Variants in ANGEL1 observed in about 807,000 individuals in gnomAD.
ANGEL1 encodes the protein angel homolog 1, also known as RNA 2',3'-cyclic phosphatase ANGEL1.
In ANGEL1, 62 loss-of-function variants were observed where a neutral mutation model predicts 76.4. The observed-to-expected ratio is 0.81, with a 90% CI of 0.66 to 1.00. The LOEUF (loss-of-function observed/expected upper bound fraction) is 1.00, where lower values mean the gene tolerates loss of function less well. ANGEL1 is among the 50% of genes least tolerant of loss of function. The pLI is 0.00. For synonymous variants in ANGEL1, 340 were observed against 331.7 expected, an observed-to-expected ratio of 1.03 and a Z score of -0.27; for missense variants, 737 against 836.7, an observed-to-expected ratio of 0.88 and a Z score of 1.47.
intron 7 of ANGEL1, among the ~76,000 whole-genome samples, chr14:76,800,999 C>T (rs1394880691): frequency 1.3e-5 from 2 of 151,934 alleles, no homozygotes; most frequent in Non-Finnish European, 2.9e-5. Flanking sequence ...CTGAGGTCAA[C>T]CTCATCACCG....
chr14:76,811,760 G>A (rs536280352), intron 1 of ANGEL1, among the ~76,000 whole-genome samples: 1 of 152,198 alleles, frequency 6.6e-6, no homozygotes, highest in East Asian at 1.9e-4. Context: ...ACCAAGCAAT[G>A]TGTTAACACC....
In ANGEL1 at chr14:76,797,679, G is replaced by A. The variant is rs184924931; in HGVS notation, c.1618+5692C>T. Among the ~76,000 whole-genome samples, 705 of 152,348 alleles carry A rather than the reference G, an allele frequency of 4.6e-3. 2 individuals are homozygous for A. The highest frequency in any genetic ancestry group is 0.016 in the African/African-American group (671 of 41,570). On this transcript the variant is annotated intron_variant, in intron 7 of 9. Coordinates refer to ENST00000251089, the MANE Select transcript of ANGEL1 (RefSeq NM_015305.4). The stretch of plus-strand genomic sequence containing the variant: ...AAAGAGAACTGACCAGATAGCCTTA[G>A]CCTTTGCTGTGTGACTGTGTGACCT...
intron 5 of ANGEL1, among the ~76,000 whole-genome samples, chr14:76,805,848 G>A (rs1051750617): frequency 2.0e-5 from 3 of 152,178 alleles, no homozygotes; most frequent in Non-Finnish European, 4.4e-5. Context: ...ATAACCTAGG[G>A]CAAATTACTT....
intron 9 of ANGEL1, among the ~76,000 whole-genome samples, chr14:76,790,047 T>C (rs1365527856): frequency 6.6e-6 from 1 of 152,088 alleles, no homozygotes; most frequent in Non-Finnish European, 1.5e-5. Context: ...GTATTTTTAG[T>C]AGAGACGGGG....
At chr14:76,803,520 A>G in intron 6 of ANGEL1, 39 bp from the exon 7 acceptor site, 1 of 1,596,484 alleles carries the variant, frequency 6.3e-7, no homozygotes, top group Non-Finnish European at 8.6e-7. Context: ...AAGAAAGACG[A>G]TGAAGCCACA....
chr14:76,795,205 G>C (rs1432702169), intron 7 of ANGEL1, among the ~76,000 whole-genome samples: 3 of 152,096 alleles, frequency 2.0e-5, no homozygotes, highest in Admixed American at 6.5e-5. Flanking sequence ...ATCAAGAATA[G>C]ATGTTGAATG....
intron 2 of ANGEL1, among the ~76,000 whole-genome samples, chr14:76,808,472 T>G (rs990933288): frequency 6.8e-6 from 1 of 147,984 alleles, no homozygotes; most frequent in African/African-American, 2.4e-5. Context: ...TGAGTGTGCT[T>G]AACAGTCACC....
chr14:76,807,421 G>A lies in ANGEL1; in HGVS notation c.946+12C>T, dbSNP rs770746957. The A allele has an allele frequency of 6.2e-7, 1 of 1,608,780 alleles. No homozygotes were observed. Among genetic ancestry groups the A allele is most frequent in the South Asian group, 1.1e-5 (1 of 89,990 alleles). ...AAGAAAAGCTGGCAAGCATCCCAGGGAGCTGCATTACCCATCATTCGCAGA... is the reference window on the plus strand; with the variant it reads ...AAGAAAAGCTGGCAAGCATCCCAGGAAGCTGCATTACCCATCATTCGCAGA... On this transcript the variant is annotated intron_variant, in intron 4 of 9. Transcript: ENST00000251089.
chr14:76,789,860 AATTTTT>A (rs1282567964), intron 9 of ANGEL1, among the ~76,000 whole-genome samples: 3 of 49,086 alleles, frequency 6.1e-5, no homozygotes. Context: ...ATGCCTGGCT[AATTTTT>A]TTTTTTTTTT....
chr14:76,797,189 T>C (rs1894605137), intron 7 of ANGEL1, among the ~76,000 whole-genome samples: 1 of 152,212 alleles, frequency 6.6e-6, no homozygotes, highest in Non-Finnish European at 1.5e-5. Flanking sequence ...GGATCCTCAG[T>C]TGTATCACAC....
At chr14:76,791,175 G>A (rs1284194073) in intron 8 of ANGEL1, 122 bp downstream of exon 8, 1 of 1,073,676 alleles carries the variant, frequency 9.3e-7, no homozygotes, top group African/African-American at 1.6e-5. Flanking sequence ...GCAGATATTA[G>A]GGGAAAAAGA....
Position 76,808,016 on chromosome 14 carries a change from C to T in ANGEL1, c.782G>A (p.Ser261Asn). ...ATGGCAATGTAGATAGAGCTCTGAGCTCTGCTGCATCAGGTCCTGAGCCAG... is the reference window on the plus strand; with the variant it reads ...ATGGCAATGTAGATAGAGCTCTGAGTTCTGCTGCATCAGGTCCTGAGCCAG... ...NILAQDLMQQ[S>N]SELYLHCHPD... Residue 261 changes from serine to asparagine, a missense_variant, in exon 3 of 10, where the codon AGC (serine) becomes AAC (asparagine). Physicochemically the swap from Ser to Asn is conservative, Grantham distance 46. Around this residue, in one of 2 missense-constraint regions of ANGEL1, gnomAD observed 441 missense variants for 449.5 expected, o/e 0.98. Coordinates refer to ENST00000251089, the MANE Select transcript of ANGEL1 (RefSeq NM_015305.4). The T allele has an allele frequency of 6.2e-7, 1 of 1,614,194 alleles. No individual in the cohort carries two copies. The highest frequency in any genetic ancestry group is 1.7e-4 in the Middle Eastern group (1 of 6,036).
rs766920310 is a variant in ANGEL1 at position 76,803,842 on chromosome 14, G to T, written c.1451C>A (p.Ser484Tyr). ...CTGACAGCAATCAGTGATGCCCAGGGAGCTGGGCCACAGTGGGGCCTGCAG... is the reference window on the plus strand; with the variant it reads ...CTGACAGCAATCAGTGATGCCCAGGTAGCTGGGCCACAGTGGGGCCTGCAG... ...RKLQAPLWPS[S>Y]LGITDCCQYV... The change falls in exon 6 of 10, where the codon TCC becomes TAC. Residue 484 changes from serine to tyrosine, a missense_variant. Coordinates refer to ENST00000251089, the MANE Select transcript of ANGEL1 (RefSeq NM_015305.4). 6.2e-7 allele frequency: 1 copy of T among 1,614,208 alleles called. No individual in the cohort carries two copies. Among genetic ancestry groups the T allele is most frequent in the East Asian group, 2.2e-5 (1 of 44,874 alleles).
chr14:76,798,278 C>T (rs544189635), intron 7 of ANGEL1, among the ~76,000 whole-genome samples: 123 of 152,238 alleles, frequency 8.1e-4, no homozygotes, highest in African/African-American at 2.9e-3. Flanking sequence ...TCGCATGCCA[C>T]CACGCCCAGC....
Position 76,806,456 on chromosome 14 carries a change from CTGA to C in ANGEL1, c.1337_1339del (p.Ile446del), listed in dbSNP as rs1301943185. 3 of 1,614,110 alleles carry C rather than the reference CTGA, an allele frequency of 1.9e-6. No individual in the cohort carries two copies. The highest frequency in any genetic ancestry group is 2.2e-5 in the South Asian group (2 of 91,062). On this transcript the variant is annotated inframe_deletion, in exon 5 of 10. Coordinates refer to ENST00000251089, the MANE Select transcript of ANGEL1 (RefSeq NM_015305.4). ...CCCATGGTACTGGAGCTCTCCATCC[CTGA>C]TGAAGTTGTAGAGAGGTGAATCAGG... is the stretch of plus-strand genomic sequence containing the variant.
Position 76,806,869 on chromosome 14 carries a change from A to G in ANGEL1, c.947-20T>C. The G allele has an allele frequency of 6.2e-7, 1 of 1,605,224 alleles. No homozygotes were observed. The highest frequency in any genetic ancestry group is 8.5e-7 in the Non-Finnish European group (1 of 1,174,946). Reference sequence around the variant, plus strand: ...TAAAGCCTGCAAGGAAAATCCCACCAAAGAGATGGGTCAGAGTCCTTAAAG... The same window carrying G: ...TAAAGCCTGCAAGGAAAATCCCACCGAAGAGATGGGTCAGAGTCCTTAAAG... On this transcript the variant is annotated intron_variant, in intron 4 of 9. Coordinates refer to ENST00000251089, the MANE Select transcript of ANGEL1 (RefSeq NM_015305.4).
rs1342461049 is a variant in ANGEL1, at chr14:76,790,706, C to T, written c.1757G>A (p.Gly586Asp). The T allele has an allele frequency of 6.2e-7, 1 of 1,614,118 alleles. No individual in the cohort carries two copies. The highest frequency in any genetic ancestry group is 8.5e-7 in the Non-Finnish European group (1 of 1,180,018). The part of the protein sequence containing the change: ...SVYTHFLPQR[G>D]RPEVTTMPLG... ...TGGCATTGTAGTGACCTCTGGGCGG[C>T]CACGCTGGGGCAGGAAGTGGGTATA... is the stretch of plus-strand genomic sequence containing the variant. Residue 586 changes from glycine (G) to aspartate (D), a missense_variant, in exon 9 of 10, where the codon GGC (glycine) becomes GAC (aspartate). By Grantham distance (94) the Gly-to-Asp change is moderately conservative (BLOSUM62 -1). Around this residue, in one of 2 missense-constraint regions of ANGEL1, gnomAD observed 296 missense variants for 387.2 expected, o/e 0.76. Transcript: ENST00000251089.
At chr14:76,790,935 C>G (rs1894387756) in intron 8 of ANGEL1, among the ~76,000 whole-genome samples, 161 bp from the exon 9 acceptor site, 1 of 152,130 alleles carries the variant, frequency 6.6e-6, no homozygotes, top group African/African-American at 2.4e-5. Flanking sequence ...GCAGTCTTAG[C>G]TAAAATTAGC....
rs776625856 is a variant in ANGEL1, at chr14:76,789,233, G to A, written c.2008C>T (p.Pro670Ser). Residue 670 changes from proline (P) to serine (S), a missense_variant, in exon 10 of 10, where the codon CCA (proline) becomes TCA (serine). Around this residue, in one of 2 missense-constraint regions of ANGEL1, gnomAD observed 296 missense variants for 387.2 expected, o/e 0.76. Coordinates refer to ENST00000251089, the MANE Select transcript of ANGEL1 (RefSeq NM_015305.4). The part of the protein sequence containing the change: ...LASFGMEVTA[P>S] ...CTCTTCCCCTGGGAGCCCTGTCATG[G>A]GGCGGTGACTTCCATCCCGAAGCTG... 4 of 1,614,202 alleles carry A rather than the reference G, an allele frequency of 2.5e-6. No homozygotes were observed. Among genetic ancestry groups the A allele is most frequent in the East Asian group, 2.2e-5 (1 of 44,890 alleles).
Sources: allele counts gnomAD v4.1 joint callset (sites outside exome capture counted in the v4.1 genomes callset), GRCh38; gene constraint gnomAD v4.1.1; regional missense constraint gnomAD v4.1.1; transcripts MANE v1.5; gene names NCBI Gene and HGNC (gene_info 2026-07-23, HGNC 2026-07-21).